The following ANKRD28 variants were observed in gnomAD, a reference collection of about 807,000 sequenced individuals.
ANKRD28 encodes serine/threonine-protein phosphatase 6 regulatory ankyrin repeat subunit A.
In ANKRD28, 44 loss-of-function variants were observed where a neutral mutation model predicts 126.5. That is an observed-to-expected ratio of 0.35 (90% CI 0.27 to 0.45). ANKRD28 has a LOEUF of 0.45. ANKRD28 is among the 20% of genes least tolerant of loss of function. The pLI is 1.00. For synonymous variants in ANKRD28, 442 were observed against 468.5 expected (o/e 0.94, Z 0.73); for missense variants, 1,110 against 1,316.6 (o/e 0.84, Z 2.43).
At chr3:15,832,530 T>C (rs2061228091) in intron 1 of ANKRD28, among the ~76,000 whole-genome samples, 1 of 152,240 alleles carries the variant, frequency 6.6e-6, no homozygotes. Context: ...CTTACTGCAT[T>C]GTGATGAAGT....
intron 9 of ANKRD28, among the ~76,000 whole-genome samples, chr3:15,713,845 A>G (rs2072648368): frequency 6.6e-6 from 1 of 152,198 alleles, no homozygotes; most frequent in Non-Finnish European, 1.5e-5. Context: ...ATTAAGCATA[A>G]GATTTTAGTA....
intron 3 of ANKRD28, among the ~76,000 whole-genome samples, chr3:15,764,845 A>C (rs931495448): frequency 6.6e-6 from 1 of 152,240 alleles, no homozygotes; most frequent in Non-Finnish European, 1.5e-5. Flanking sequence ...ATTCATAAAG[A>C]AGCTAACAAA....
intron 1 of ANKRD28, among the ~76,000 whole-genome samples, chr3:15,855,235 G>GT (rs1202709092): frequency 4.6e-5 from 7 of 152,012 alleles, no homozygotes; most frequent in Admixed American, 4.6e-4. Context: ...CTCTTAGTGT[G>GT]TACTTGATCA....
At chr3:15,787,939 G>A (rs1280291152) in intron 2 of ANKRD28, among the ~76,000 whole-genome samples, 1 of 152,134 alleles carries the variant, frequency 6.6e-6, no homozygotes, top group Non-Finnish European at 1.5e-5. Context: ...TCTAAATTCA[G>A]AAGCCAATAA....
chr3:15,671,285 T>G (rs1053524479), intron 27 of ANKRD28, among the ~76,000 whole-genome samples: 3 of 152,152 alleles, frequency 2.0e-5, no homozygotes, highest in Non-Finnish European at 2.9e-5. Flanking sequence ...GAGGAAACAT[T>G]TGGTACCTCA....
chr3:15,759,316 A>T (rs1158693562), intron 3 of ANKRD28, among the ~76,000 whole-genome samples: 3 of 151,176 alleles, frequency 2.0e-5, no homozygotes, highest in African/African-American at 7.4e-5. Flanking sequence ...GTTTCCTTAT[A>T]TAATACCTTC....
chr3:15,807,902 A>G (rs1316854053), intron 1 of ANKRD28, among the ~76,000 whole-genome samples: 1 of 152,082 alleles, frequency 6.6e-6, no homozygotes, highest in Admixed American at 6.5e-5. Flanking sequence ...TGAAGGCATA[A>G]TAAGGTTGGC....
At chr3:15,756,931 A>G (rs1011297103) in intron 3 of ANKRD28, among the ~76,000 whole-genome samples, 9 of 152,152 alleles carry the variant, frequency 5.9e-5, no homozygotes, top group Non-Finnish European at 1.3e-4. Flanking sequence ...TTGAACCTCA[A>G]TTACAGCTGA....
intron 1 of ANKRD28, among the ~76,000 whole-genome samples, chr3:15,805,636 G>C (rs1464235854): frequency 6.6e-6 from 1 of 152,030 alleles, no homozygotes; most frequent in Non-Finnish European, 1.5e-5. Context: ...ATTTTAAACA[G>C]GCTGAATTTT....
chr3:15,693,534 C>G (rs1016953986), intron 17 of ANKRD28, among the ~76,000 whole-genome samples: 1 of 152,138 alleles, frequency 6.6e-6, no homozygotes, highest in Non-Finnish European at 1.5e-5. Flanking sequence ...CTAGTTGAAT[C>G]TCCACAAGGC....
At chr3:15,704,461 G>A (rs1196087380) in intron 14 of ANKRD28, among the ~76,000 whole-genome samples, 1 of 152,064 alleles carries the variant, frequency 6.6e-6, no homozygotes, top group Non-Finnish European at 1.5e-5. Flanking sequence ...TTTTCCTGGG[G>A]AGCTTTAAAG....
chr3:15,690,304 C>A, intron 17 of ANKRD28, 84 bp from the exon 18 acceptor site: 1 of 1,145,598 alleles, frequency 8.7e-7, no homozygotes. Flanking sequence ...AATAAGCAAA[C>A]TTGTCTTCAT....
intron 1 of ANKRD28, among the ~76,000 whole-genome samples, chr3:15,848,828 C>T (rs2061580105): frequency 6.6e-6 from 1 of 152,188 alleles, no homozygotes; most frequent in Non-Finnish European, 1.5e-5. Flanking sequence ...TCTACTCTCA[C>T]CACTTCTACT....
chr3:15,825,235 G>A (rs1214292575), intron 1 of ANKRD28, among the ~76,000 whole-genome samples: 3 of 152,194 alleles, frequency 2.0e-5, no homozygotes, highest in Non-Finnish European at 4.4e-5. Flanking sequence ...TTGTCTGATG[G>A]CAACTGGGAG....
At chr3:15,673,877 T>C (rs183610097) in intron 27 of ANKRD28, among the ~76,000 whole-genome samples, 20 of 152,050 alleles carry the variant, frequency 1.3e-4, no homozygotes, top group African/African-American at 4.8e-4. Context: ...GGACACATCA[T>C]GTAGGGCCTA....
rs200316353 is a variant in ANKRD28 at position 15,724,434 on chromosome 3, G to A, written c.731C>T (p.Ala244Val). ...GACTACGCTGATCATTCCACTAGAG[G>A]CTGCTGCATGAAGAGGTGTATAAGA... ...KKSYTPLHAA[A>V]SSGMISVVKY... The change falls in exon 7 of 28, where the codon GCC (alanine) becomes GTC (valine). Residue 244 changes from alanine (A) to valine (V), a missense_variant. Coordinates refer to ENST00000683139, the MANE Select transcript of ANKRD28 (RefSeq NM_001349278.2). 650 of 1,605,338 alleles carry A rather than the reference G, an allele frequency of 4.0e-4. 1 individual carries two copies. Among genetic ancestry groups the A allele is most frequent in the Non-Finnish European group, 5.1e-4 (598 of 1,175,624 alleles).
At chr3:15,810,782 A>G (rs2060696186) in intron 1 of ANKRD28, among the ~76,000 whole-genome samples, 1 of 152,004 alleles carries the variant, frequency 6.6e-6, no homozygotes, top group Non-Finnish European at 1.5e-5. Flanking sequence ...TTTATAGGTA[A>G]GAAAAATAAG....
At chr3:15,826,699 T>G (rs2061074328) in intron 1 of ANKRD28, among the ~76,000 whole-genome samples, 1 of 152,178 alleles carries the variant, frequency 6.6e-6, no homozygotes, top group Non-Finnish European at 1.5e-5. Context: ...TTCTATTTGA[T>G]TAAAACCATT....
chr3:15,793,716 G>C (rs2060137781), intron 2 of ANKRD28, among the ~76,000 whole-genome samples: 1 of 152,122 alleles, frequency 6.6e-6, no homozygotes, highest in Non-Finnish European at 1.5e-5. Flanking sequence ...TATTTTCTAA[G>C]AAACGCATAC....
Sources: allele counts gnomAD v4.1 joint callset (sites outside exome capture counted in the v4.1 genomes callset), GRCh38; gene constraint gnomAD v4.1.1; transcripts MANE v1.5; gene names NCBI Gene and HGNC (gene_info 2026-07-23, HGNC 2026-07-21).